Variants in SLC4A1 observed in about 807,000 individuals in gnomAD.
The protein encoded by SLC4A1 is band 3 anion transport protein.
Under a neutral mutation model 93.1 loss-of-function variants are expected in SLC4A1, and 29 were observed. That is an observed-to-expected ratio of 0.31 (90% CI 0.23 to 0.42). The LOEUF (loss-of-function observed/expected upper bound fraction) is 0.42. Among genes scored for constraint, SLC4A1 ranks in the 20% least tolerant of loss-of-function variants. The pLI is 1.00. For synonymous variants in SLC4A1, 469 were observed against 497.2 expected, an observed-to-expected ratio of 0.94 and a Z score of 0.76; for missense variants, 965 against 1,190.1, an observed-to-expected ratio of 0.81 and a Z score of 2.78.
chr17:44,253,420 C>A, intron 16 of SLC4A1, 49 bp from the exon 17 acceptor site: 1 of 1,580,002 alleles, frequency 6.3e-7, no homozygotes, highest in South Asian at 1.1e-5. Flanking sequence ...CCTGCCTCCT[C>A]CACCCCCTCC....
At chr17:44,253,041 G>A (rs981161891) in intron 17 of SLC4A1, 77 bp downstream of exon 17, 10 of 1,526,738 alleles carry the variant, frequency 6.5e-6, no homozygotes, top group African/African-American at 5.4e-5. Flanking sequence ...TGCTGGGTCC[G>A]AACAGAAAGG....
intron 13 of SLC4A1, among the ~76,000 whole-genome samples, chr17:44,256,606 G>A (rs1484596060): frequency 6.6e-6 from 1 of 152,346 alleles, no homozygotes; most frequent in East Asian, 1.9e-4. Flanking sequence ...CAAGCACAGG[G>A]GAGGGAGTGG....
chr17:44,250,908 C>T (rs908558020), intron 19 of SLC4A1, among the ~76,000 whole-genome samples: 1 of 152,182 alleles, frequency 6.6e-6, no homozygotes, highest in African/African-American at 2.4e-5. Flanking sequence ...TCACTCACAG[C>T]ACACCCTGTC....
chr17:44,258,117 C>A lies in SLC4A1; in HGVS notation c.1151G>T (p.Arg384Leu). Residue 384 changes from arginine (R) to leucine (L), a missense_variant, in exon 11 of 20, where the codon CGT (arginine) becomes CTT (leucine). By Grantham distance (102) the Arg-to-Leu change is moderately radical. This residue lies in a region of SLC4A1 where 770 missense variants were observed against 1,006.6 expected (regional missense o/e 0.76). Transcript: ENST00000262418. This position sits in a 1 kb window ranked among gnomAD's most constrained non-coding sequence, Gnocchi z 6.1. The stretch of plus-strand genomic sequence containing the variant: ...ATAGGGGTAGCGGCGCCGGATATCA[C>A]GCACCAGGCCCCCGAAGAGCTGGCC... ...QTGQLFGGLV[R>L]DIRRRYPYYL... 1 of 1,614,070 alleles carries A rather than the reference C, an allele frequency of 6.2e-7. No homozygotes were observed. Among genetic ancestry groups the A allele is most frequent in the Non-Finnish European group, 8.5e-7 (1 of 1,180,000 alleles).
intron 13 of SLC4A1, among the ~76,000 whole-genome samples, chr17:44,257,032 C>G (rs1156429036): frequency 6.6e-6 from 1 of 150,382 alleles, no homozygotes; most frequent in East Asian, 2.0e-4. Flanking sequence ...TGCTCTGTTG[C>G]CCAGGCTGGA....
At chr17:44,251,641 TG>T (rs1316382763) in intron 17 of SLC4A1, 53 bp from the exon 18 acceptor site, 2 of 1,569,710 alleles carry the variant, frequency 1.3e-6, no homozygotes, top group Non-Finnish European at 1.7e-6. Flanking sequence ...CTGGCACCAG[TG>T]GGGGGTCAGG....
chr17:44,261,774 G>T (rs568585672), intron 3 of SLC4A1, 138 bp from the exon 4 acceptor site: 1 of 1,484,966 alleles, frequency 6.7e-7, no homozygotes, highest in South Asian at 1.2e-5. Context: ...CTCTGGTGCC[G>T]CATCCCACAC....
chr17:44,260,060 G>C (rs1438267906), intron 6 of SLC4A1, 128 bp from the exon 7 acceptor site: 6 of 1,222,364 alleles, frequency 4.9e-6, no homozygotes, highest in Admixed American at 1.7e-5. Context: ...GGACTTCCCA[G>C]ACCAGACCAG....
At position 44,257,340 on chromosome 17, in the gene SLC4A1, A is replaced by G; in HGVS notation, c.1626+10T>C. 6.2e-7 allele frequency: 1 copy of G among 1,613,246 alleles called. No homozygotes were observed. The highest frequency in any genetic ancestry group is 8.5e-7 in the Non-Finnish European group (1 of 1,179,402). ...CTCCCGTGTGCATTAACATCCCCAT[A>G]GGCCCCCACCTTGATCAGCTTGGAG... On this transcript the variant is annotated intron_variant, in intron 13 of 19. Transcript: ENST00000262418.
chr17:44,262,652 C>G lies in SLC4A1; in HGVS notation c.90G>C (p.Gln30His). 1.9e-6 allele frequency: 3 copies of G among 1,612,878 alleles called. No individual in the cohort carries two copies. The highest frequency in any genetic ancestry group is 1.7e-6 in the Non-Finnish European group (2 of 1,179,338). Reference protein sequence around the residue: ...EYEDPDIPESQMEEPAAHDTE... With the variant: ...EYEDPDIPESHMEEPAAHDTE... ...GGGGCTCACCTGCCGGCTCCTCCAT[C>G]TGGGACTCGGGGATGTCTGGGTCTT... Residue 30 changes from glutamine (Q) to histidine (H), a missense_variant, in exon 3 of 20, where the codon CAG becomes CAC. Transcript: ENST00000262418.
Position 44,263,707 on chromosome 17 carries a change from C to CTCCTTCCTTCCTTCCTTCCT in SLC4A1, c.-68-793_-68-774dup, listed in dbSNP as rs111483250. On this transcript the variant is annotated intron_variant, in intron 1 of 19. Coordinates refer to ENST00000262418, the MANE Select transcript of SLC4A1 (RefSeq NM_000342.4). ...TTCCCTCCCTCCTTCCCTCCCTTCC[C>CTCCTTCCTTCCTTCCTTCCT]TCCTTCCTTCCTTCCTTCCTTCCTT... Among the ~76,000 whole-genome samples the CTCCTTCCTTCCTTCCTTCCT allele has an allele frequency of 7.5e-4, 106 of 140,398 alleles. 2 individuals carry two copies. The Middle Eastern group carries it at 0.017, about 23-fold the overall frequency. The allele number at this position is 140,398 out of a possible 152,430, so 92.1% of individuals were successfully genotyped here.
intron 1 of SLC4A1, among the ~76,000 whole-genome samples, chr17:44,265,061 G>A (rs1179657483): frequency 8.5e-6 from 1 of 117,630 alleles, no homozygotes; most frequent in Non-Finnish European, 1.8e-5. Context: ...CGAGCACTGG[G>A]GGCTGTGGGG....
At chr17:44,260,061 A>ATGT in intron 6 of SLC4A1, 129 bp from the exon 7 acceptor site, 1 of 1,224,218 alleles carries the variant, frequency 8.2e-7, no homozygotes, top group Non-Finnish European at 1.2e-6. Flanking sequence ...GACTTCCCAG[A>ATGT]CCAGACCAGA....
chr17:44,254,841 C>A (rs993534458), intron 15 of SLC4A1, among the ~76,000 whole-genome samples, 179 bp from the exon 16 acceptor site: 1 of 152,198 alleles, frequency 6.6e-6, no homozygotes, highest in Non-Finnish European at 1.5e-5. Flanking sequence ...TCCATCTGCT[C>A]GTTCCCCACT....
In SLC4A1 at chr17:44,254,616, C is replaced by G; in HGVS notation, c.1937G>C (p.Arg646Pro). The change falls in exon 16 of 20, where the codon CGG (arginine) becomes CCG (proline). Residue 646 changes from arginine (R) to proline (P), a missense_variant. This residue lies in a region of SLC4A1 where 770 missense variants were observed against 1,006.6 expected (regional missense o/e 0.76). Transcript: ENST00000262418. ...DGFKVSNSSA[R>P]GWVIHPLGLR... is the part of the protein sequence containing the mutation. Reference sequence around the variant, plus strand: ...GCCCAGTGGGTGGATGACCCAGCCCCGGGCTGAGGAGTTGGACACCTTGAA... The same window carrying G: ...GCCCAGTGGGTGGATGACCCAGCCCGGGGCTGAGGAGTTGGACACCTTGAA... 1 of 1,614,106 alleles carries G rather than the reference C, an allele frequency of 6.2e-7. No homozygotes were observed. The highest frequency in any genetic ancestry group is 8.5e-7 in the Non-Finnish European group (1 of 1,180,016).
chr17:44,260,396 A>T lies in SLC4A1; in HGVS notation c.485+8T>A. 1 of 1,610,528 alleles carries T rather than the reference A, an allele frequency of 6.2e-7. No homozygotes were observed. ...ATATGGAATCCAGGCCCTGGCAGGC[A>T]GGGGCACCTGTGTTTAAGCAGCAGG... On this transcript the variant is annotated splice_region_variant and intron_variant, in intron 6 of 19. Transcript: ENST00000262418.
intron 15 of SLC4A1, 124 bp downstream of exon 15, chr17:44,255,083 T>G: frequency 1.4e-6 from 1 of 717,846 alleles, no homozygotes; most frequent in Non-Finnish European, 2.5e-6. Flanking sequence ...GAGGCAGGGA[T>G]GGGGTAGAGG....
rs2047412306 is a variant in SLC4A1 at position 44,258,610 on chromosome 17, T to C, written c.890A>G (p.Asp297Gly). ...CCCTCGGCTCTGAGCCATGTAGGCA[T>C]CTATGCGGAACACCTAGGGGCAGGA... ...TLMSERVFRI[D>G]AYMAQSRGEL... Residue 297 changes from aspartate to glycine, a missense_variant, in exon 10 of 20, where the codon GAT (aspartate) becomes GGT (glycine). By Grantham distance (94) the Asp-to-Gly change is moderately conservative. Transcript: ENST00000262418. This position sits in a 1 kb window ranked among gnomAD's most constrained non-coding sequence, Gnocchi z 6.1. 6.2e-7 allele frequency: 1 copy of C among 1,601,612 alleles called. No individual in the cohort carries two copies. The highest frequency in any genetic ancestry group is 8.5e-7 in the Non-Finnish European group (1 of 1,174,820).
intron 11 of SLC4A1, 47 bp from the exon 12 acceptor site, chr17:44,257,854 A>G: frequency 6.2e-7 from 1 of 1,612,018 alleles, no homozygotes; most frequent in Non-Finnish European, 8.5e-7. Context: ...GATCATTTCC[A>G]GGAGCCCATA....
Sources: gnomAD v4.1 joint callset for allele counts (sites outside exome capture counted in the v4.1 genomes callset) on GRCh38, gnomAD v4.1.1 for gene constraint, gnomAD v4.1.1 regional missense constraint, Gnocchi (gnomAD v3.1) non-coding constraint, MANE v1.5 for transcripts, NCBI Gene and HGNC (gene_info 2026-07-23, HGNC 2026-07-21) for gene names.